The following NUP153 variants were observed in gnomAD, a reference collection of about 807,000 sequenced individuals.
NUP153 encodes the protein nuclear pore complex protein Nup153.
NUP153 carries 27 observed loss-of-function variants against 134.6 expected under a neutral mutation model. The ratio of observed to expected loss-of-function variants is 0.20; its 90% CI spans 0.15 to 0.28. NUP153 has a LOEUF of 0.28. Ranked by LOEUF, NUP153 falls within the 10% of genes least tolerant of loss-of-function variation. The pLI is 1.00. For missense variants in NUP153, 1,821 were observed against 1,731.3 expected (o/e 1.05, Z -0.92); for synonymous variants, 640 against 623.5 (o/e 1.03, Z -0.40).
intron 1 of NUP153, among the ~76,000 whole-genome samples, chr6:17,701,801 C>T (rs1770100077): frequency 7.3e-6 from 1 of 136,304 alleles, no homozygotes; most frequent in South Asian, 2.3e-4. Context: ...CCACTGCACT[C>T]CAGCCTGGGC....
At chr6:17,634,031 C>G (rs193056968) in intron 16 of NUP153, among the ~76,000 whole-genome samples, 1 of 152,164 alleles carries the variant, frequency 6.6e-6, no homozygotes, top group East Asian at 1.9e-4. Context: ...TGGCTGGATA[C>G]TCCTCCTCCT....
intron 2 of NUP153, among the ~76,000 whole-genome samples, chr6:17,681,439 G>T (rs1347247968): frequency 6.6e-6 from 1 of 152,054 alleles, no homozygotes; most frequent in African/African-American, 2.4e-5. Context: ...CAAAAAATTA[G>T]CCGGGTGTGG....
chr6:17,684,922 G>A (rs989609380), intron 2 of NUP153, among the ~76,000 whole-genome samples: 32 of 152,250 alleles, frequency 2.1e-4, no homozygotes, highest in Middle Eastern at 3.4e-3. Context: ...GGTGTGGCTC[G>A]TGGCACCCCA....
intron 1 of NUP153, among the ~76,000 whole-genome samples, chr6:17,705,814 C>A (rs1770446852): frequency 2.6e-5 from 4 of 152,004 alleles, no homozygotes; most frequent in Admixed American, 2.6e-4. Flanking sequence ...CCGTCTGCCC[C>A]AGAGTTAAGA....
chr6:17,629,418 T>A lies in NUP153; in HGVS notation c.2781A>T (p.Gly927=), dbSNP rs1187498021. The A allele has an allele frequency of 6.2e-7, 1 of 1,613,976 alleles. No homozygotes were observed. Among genetic ancestry groups the A allele is most frequent in the African/African-American group, 1.3e-5 (1 of 74,902 alleles). ...CACCTATTTTGAATCCTCCCTGATCTCCAAATTTAAAATTTCCAGTGCTTG... is the reference window on the plus strand; with the variant it reads ...CACCTATTTTGAATCCTCCCTGATCACCAAATTTAAAATTTCCAGTGCTTG... The part of the protein sequence containing the change: ...TLTSTGNFKF[G]DQGGFKIGVS... Residue 927 remains glycine (G), a synonymous_variant, in exon 18 of 22, where the codon GGA becomes GGT. Transcript: ENST00000262077.
intron 15 of NUP153, among the ~76,000 whole-genome samples, chr6:17,639,411 G>A (rs998011129): frequency 6.6e-6 from 1 of 151,998 alleles, no homozygotes; most frequent in Non-Finnish European, 1.5e-5. Context: ...TATCATAAAT[G>A]GAATTATGAA....
chr6:17,660,540 A>AGAATATATAGAGAACTC (rs1767114838), intron 11 of NUP153, among the ~76,000 whole-genome samples: 1 of 151,728 alleles, frequency 6.6e-6, no homozygotes, highest in African/African-American at 2.4e-5. Flanking sequence ...ACTCTTTCTA[A>AGAATATATAGAGAACTC]TAATAAATTA....
At position 17,680,419 on chromosome 6, in the gene NUP153, C is replaced by G. The variant is rs902221752; in HGVS notation, c.335-4649G>C. Among the ~76,000 whole-genome samples the G allele has an allele frequency of 6.6e-6, 1 of 152,058 alleles. No homozygotes were observed. The highest frequency in any genetic ancestry group is 2.4e-5 in the African/African-American group (1 of 41,418). On this transcript the variant is annotated intron_variant, in intron 2 of 21. Coordinates refer to ENST00000262077, the MANE Select transcript of NUP153 (RefSeq NM_005124.4). This position sits in a 1 kb window ranked among gnomAD's most constrained non-coding sequence, Gnocchi z 4.5. ...GATATCCACATGAAAAAGAATGAAC[C>G]CTTATCTTGAACCATATACAAAAAT...
chr6:17,663,070 T>C (rs1407953473), intron 9 of NUP153, among the ~76,000 whole-genome samples: 1 of 152,114 alleles, frequency 6.6e-6, no homozygotes, highest in African/African-American at 2.4e-5. Flanking sequence ...GTTGTGCCAA[T>C]GTTAAGTTTC....
intron 1 of NUP153, 88 bp from the exon 2 acceptor site, chr6:17,688,706 A>G (rs753025828): frequency 1.7e-5 from 17 of 984,738 alleles, no homozygotes; most frequent in Non-Finnish European, 2.6e-5. Flanking sequence ...GGCCAAGCAA[A>G]ACACAATGGT....
chr6:17,638,115 C>T lies in NUP153; in HGVS notation c.1847-345G>A, dbSNP rs931008789. On this transcript the variant is annotated intron_variant, in intron 15 of 21. Coordinates refer to ENST00000262077, the MANE Select transcript of NUP153 (RefSeq NM_005124.4). The surrounding 1 kb of genome is among the most constrained non-coding windows in gnomAD (Gnocchi z 4.0). Reference sequence around the variant, plus strand: ...TGTCTCTCTACAAACACACAATACTCGCAGTCCTCTTTCTCCTTCATCCAT... The same window carrying T: ...TGTCTCTCTACAAACACACAATACTTGCAGTCCTCTTTCTCCTTCATCCAT... 3.3e-5 allele frequency among the ~76,000 whole-genome samples: 5 copies of T among 152,226 alleles called. No individual in the cohort carries two copies. The highest frequency in any genetic ancestry group is 1.9e-4 in the East Asian group (1 of 5,202).
At chr6:17,658,877 C>G (rs1766998132) in intron 11 of NUP153, among the ~76,000 whole-genome samples, 1 of 151,976 alleles carries the variant, frequency 6.6e-6, no homozygotes, top group African/African-American at 2.4e-5. Flanking sequence ...CAAACTTGCA[C>G]ACAAAAAAAG....
intron 1 of NUP153, among the ~76,000 whole-genome samples, chr6:17,689,740 G>GC (rs1236947807): frequency 4.0e-5 from 6 of 151,704 alleles, no homozygotes; most frequent in African/African-American, 1.5e-4. Context: ...GGTCAGGCTG[G>GC]CCTCAAACTC....
chr6:17,657,607 C>T (rs1007249475), intron 11 of NUP153, among the ~76,000 whole-genome samples: 4 of 151,948 alleles, frequency 2.6e-5, no homozygotes, highest in African/African-American at 9.7e-5. Flanking sequence ...GGCTTCTGTG[C>T]TCATCAGGCA....
chr6:17,688,313 A>C (rs891901064), intron 2 of NUP153, 83 bp downstream of exon 2: 9 of 980,966 alleles, frequency 9.2e-6, no homozygotes, highest in Non-Finnish European at 1.3e-5. Context: ...CCGCCTGATT[A>C]GATTTACCAT....
chr6:17,663,258 C>CAT (rs1203381644), intron 9 of NUP153, among the ~76,000 whole-genome samples: 2,463 of 129,586 alleles, frequency 0.019, 33 homozygotes, highest in Non-Finnish European at 0.029. Context: ...CACACACACA[C>CAT]ACATATATAT....
chr6:17,652,615 G>T (rs892952074), intron 11 of NUP153, among the ~76,000 whole-genome samples: 5 of 152,200 alleles, frequency 3.3e-5, no homozygotes, highest in African/African-American at 1.2e-4. Context: ...CCAATCAAAA[G>T]ATATCATTAA....
chr6:17,688,469 T>A lies in NUP153; in HGVS notation c.261A>T (p.Val87=). 2 of 1,614,174 alleles carry A rather than the reference T, an allele frequency of 1.2e-6. No individual in the cohort carries two copies. Among genetic ancestry groups the A allele is most frequent in the Non-Finnish European group, 8.5e-7 (1 of 1,180,012 alleles). Residue 87 remains valine (V), a synonymous_variant, in exon 2 of 22, where the codon GTA becomes GTT. Coordinates refer to ENST00000262077, the MANE Select transcript of NUP153 (RefSeq NM_005124.4). ...RWPENKEDHL[V]YADEESSNIT... ...TATTAGAGCTCTCCTCATCGGCATATACCAGATGGTCCTCTTTATTTTCTG... is the reference window on the plus strand; with the variant it reads ...TATTAGAGCTCTCCTCATCGGCATAAACCAGATGGTCCTCTTTATTTTCTG...
At chr6:17,703,924 T>C (rs188504100) in intron 1 of NUP153, among the ~76,000 whole-genome samples, 1 of 152,306 alleles carries the variant, frequency 6.6e-6, no homozygotes, top group African/African-American at 2.4e-5. Context: ...CTAAGACACC[T>C]TGGATCATAG....
Sources: allele counts gnomAD v4.1 joint callset (sites outside exome capture counted in the v4.1 genomes callset), GRCh38; gene constraint gnomAD v4.1.1; non-coding constraint Gnocchi (gnomAD v3.1); transcripts MANE v1.5; gene names NCBI Gene and HGNC (gene_info 2026-07-23, HGNC 2026-07-21).